The following SORT1 variants were observed in gnomAD, a reference collection of about 807,000 sequenced individuals.
The protein encoded by SORT1 is sortilin.
A neutral mutation model predicts 101.7 loss-of-function variants in SORT1; 39 were observed. The ratio of observed to expected loss-of-function variants is 0.38; its 90% CI spans 0.30 to 0.50. SORT1 has a LOEUF of 0.50. Ranked by LOEUF, SORT1 falls within the 20% of genes least tolerant of loss-of-function variation. The probability of loss-of-function intolerance (pLI) is 0.90; values close to 1 mark genes in which losing one functional copy is unlikely to be tolerated. For missense variants in SORT1, 878 were observed against 1,040.4 expected (o/e 0.84, Z 2.15); for synonymous variants, 396 against 393.7 (o/e 1.01, Z -0.07).
At chr1:109,340,680 A>G in intron 10 of SORT1, 44 bp downstream of exon 10, 2 of 1,605,838 alleles carry the variant, frequency 1.2e-6, no homozygotes, top group South Asian at 2.2e-5. Flanking sequence ...ATCCTACCAC[A>G]TGCAGCTGAA....
chr1:109,347,521 T>C lies in SORT1; in HGVS notation c.794A>G (p.Asn265Ser). The change falls in exon 7 of 20, where the codon AAC becomes AGC. Residue 265 changes from asparagine to serine, a missense_variant. Transcript: ENST00000256637. Reference sequence around the variant, plus strand: ...TGCATAGGTTGTAAAGAAGATGGTGTTGTCTGATCCCCTACAATGAGGCAA... The same window carrying C: ...TGCATAGGTTGTAAAGAAGATGGTGCTGTCTGATCCCCTACAATGAGGCAA... ...AVCLAKWGSD[N>S]TIFFTTYANG... The C allele has an allele frequency of 1.2e-6, 2 of 1,610,802 alleles. No individual in the cohort carries two copies. Among genetic ancestry groups the C allele is most frequent in the Non-Finnish European group, 1.7e-6 (2 of 1,177,008 alleles).
intron 1 of SORT1, among the ~76,000 whole-genome samples, chr1:109,388,126 G>A (rs1393479790): frequency 6.7e-6 from 1 of 149,870 alleles, no homozygotes; most frequent in Non-Finnish European, 1.5e-5. Flanking sequence ...GTTATTCACA[G>A]ATGCGATCAC....
Position 109,313,935 on chromosome 1 carries a change from A to G in SORT1, c.*108T>C. 1 of 1,098,030 alleles carries G rather than the reference A, an allele frequency of 9.1e-7. No individual in the cohort carries two copies. Among genetic ancestry groups the G allele is most frequent in the Non-Finnish European group, 1.4e-6 (1 of 729,494 alleles). The allele number at this position is 1,098,030 out of a possible 1,614,324, so 68.0% of individuals were successfully genotyped here. On this transcript the variant is annotated 3_prime_UTR_variant, in exon 20 of 20. Coordinates refer to ENST00000256637, the MANE Select transcript of SORT1 (RefSeq NM_002959.7). ...GCTTTGATGGAAGCAGCAGAAACAG[A>G]GCTGGGTCCCTCGCAATGGGAAATT...
chr1:109,313,428 A>T lies in SORT1; in HGVS notation c.*615T>A, dbSNP rs1658840465. ...AACAAGGGTATTGCCTAATTAAACAAGGGAAAAGAAAAATCACTGTGGTCT... is the reference window on the plus strand; with the variant it reads ...AACAAGGGTATTGCCTAATTAAACATGGGAAAAGAAAAATCACTGTGGTCT... On this transcript the variant is annotated 3_prime_UTR_variant, in exon 20 of 20. Transcript: ENST00000256637. 6.5e-6 allele frequency: 1 copy of T among 152,838 alleles called. No individual in the cohort carries two copies. Among genetic ancestry groups the T allele is most frequent in the Non-Finnish European group, 1.5e-5 (1 of 68,204 alleles). 9.5% of individuals were successfully genotyped at this position (152,838 alleles called of 1,614,324 possible).
intron 1 of SORT1, among the ~76,000 whole-genome samples, chr1:109,372,632 G>C (rs1651552259): frequency 6.6e-6 from 1 of 152,002 alleles, no homozygotes; most frequent in African/African-American, 2.4e-5. Flanking sequence ...CAAAAACACA[G>C]AATGGGCCGG....
intron 15 of SORT1, among the ~76,000 whole-genome samples, chr1:109,322,392 C>T (rs573878591): frequency 6.6e-6 from 1 of 152,116 alleles, no homozygotes; most frequent in Non-Finnish European, 1.5e-5. Flanking sequence ...CAGGATTTCT[C>T]GGGTTTGTTG....
intron 14 of SORT1, among the ~76,000 whole-genome samples, chr1:109,324,016 C>T (rs186871793): frequency 1.1e-4 from 16 of 152,306 alleles, no homozygotes; most frequent in South Asian, 2.1e-4. Flanking sequence ...AATGAGCCCA[C>T]GACAGTCTCA....
intron 3 of SORT1, 42 bp downstream of exon 3, chr1:109,367,366 T>C (rs766862287): frequency 4.5e-6 from 5 of 1,105,128 alleles, no homozygotes; most frequent in Non-Finnish European, 6.8e-6. Flanking sequence ...ATATTCTCAA[T>C]GTTACTTAGT....
chr1:109,389,487 C>G (rs1252056523), intron 1 of SORT1, among the ~76,000 whole-genome samples: 1 of 152,270 alleles, frequency 6.6e-6, no homozygotes, highest in East Asian at 1.9e-4. Context: ...GTGTTCTACT[C>G]CCAGCTCTTG....
intron 6 of SORT1, 57 bp from the exon 7 acceptor site, chr1:109,347,589 T>A: frequency 1.6e-6 from 2 of 1,237,200 alleles, no homozygotes; most frequent in Non-Finnish European, 2.4e-6. Context: ...AAGGACTGTG[T>A]TGACCTTACT....
At chr1:109,393,287 G>T (rs1351289215) in intron 1 of SORT1, 34 of 985,076 alleles carry the variant, frequency 3.5e-5, no homozygotes, top group Non-Finnish European at 4.1e-5. Flanking sequence ...GTTTACAGAA[G>T]TAGTTAGTGA....
chr1:109,369,566 GC>G lies in SORT1; in HGVS notation c.329del (p.Gly110AlafsTer16), dbSNP rs1651345633. 1 of 1,609,496 alleles carries G rather than the reference GC, an allele frequency of 6.2e-7. No homozygotes were observed. Among genetic ancestry groups the G allele is most frequent in the Admixed American group, 1.7e-5 (1 of 59,988 alleles). On this transcript the variant is annotated frameshift_variant, in exon 2 of 20. Coordinates refer to ENST00000256637, the MANE Select transcript of SORT1 (RefSeq NM_002959.7). LOFTEE classifies it high-confidence loss of function. ...THQHVFDDLR[G>X]SVSLSWVGDS... ...CTCCAACCCAGGACAAGGATACTGA[GC>G]CTCTGAGATCATCAAACACATGCTA...
intron 1 of SORT1, among the ~76,000 whole-genome samples, chr1:109,384,022 T>C (rs923954992): frequency 6.6e-6 from 1 of 152,158 alleles, no homozygotes; most frequent in Non-Finnish European, 1.5e-5. Flanking sequence ...ATCTTTCCAG[T>C]CTCTCTAAGC....
intron 12 of SORT1, 148 bp from the exon 13 acceptor site, chr1:109,327,308 A>G (rs967235951): frequency 5.3e-5 from 44 of 831,716 alleles, no homozygotes; most frequent in Non-Finnish European, 7.7e-5. Context: ...AAAACTTCGG[A>G]GAAGTTGTGT....
At chr1:109,341,254 T>C (rs1012013568) in intron 9 of SORT1, among the ~76,000 whole-genome samples, 1 of 152,226 alleles carries the variant, frequency 6.6e-6, no homozygotes, top group African/African-American at 2.4e-5. Flanking sequence ...AGGATCAATT[T>C]GTAAGATTTC....
intron 1 of SORT1, among the ~76,000 whole-genome samples, chr1:109,371,645 A>G (rs2101630399): frequency 6.6e-6 from 1 of 152,124 alleles, no homozygotes; most frequent in East Asian, 1.9e-4. Context: ...CATTACCCAC[A>G]TTTTCCTATT....
intron 14 of SORT1, 91 bp from the exon 15 acceptor site, chr1:109,323,212 G>A (rs1391548776): frequency 1.0e-5 from 9 of 857,362 alleles, no homozygotes; most frequent in East Asian, 2.5e-5. Context: ...ACAAGGAGAG[G>A]GAAAGTGGGA....
chr1:109,367,356 A>G, intron 3 of SORT1, 52 bp downstream of exon 3: 1 of 1,025,890 alleles, frequency 9.7e-7, no homozygotes, highest in Non-Finnish European at 1.5e-6. Flanking sequence ...GGGAGAATCT[A>G]TATTCTCAAT....
chr1:109,366,332 A>G lies in SORT1; in HGVS notation c.440+1076T>C, dbSNP rs542433331. On this transcript the variant is annotated intron_variant, in intron 3 of 19. Coordinates refer to ENST00000256637, the MANE Select transcript of SORT1 (RefSeq NM_002959.7). Reference sequence around the variant, plus strand: ...CCTGAGAGCCTCCTTCTTACCTAAAAATAATCTGCTTAGGCCTCAAAATGC... The same window carrying G: ...CCTGAGAGCCTCCTTCTTACCTAAAGATAATCTGCTTAGGCCTCAAAATGC... Among the ~76,000 whole-genome samples, 19 of 152,322 alleles carry G rather than the reference A, an allele frequency of 1.2e-4. No individual in the cohort carries two copies. The East Asian group carries it at 2.7e-3, about 22-fold the overall frequency.
Sources: gnomAD v4.1 joint callset for allele counts (sites outside exome capture counted in the v4.1 genomes callset) on GRCh38, gnomAD v4.1.1 for gene constraint, MANE v1.5 for transcripts, NCBI Gene and HGNC (gene_info 2026-07-23, HGNC 2026-07-21) for gene names.